Variants in NREP observed in about 807,000 individuals in gnomAD.
NREP encodes neuronal regeneration related protein, also known as neuronal regeneration-related protein.
A neutral mutation model predicts 8.6 loss-of-function variants in NREP; 5 were observed. That is an observed-to-expected ratio of 0.58 (90% CI 0.30 to 1.22). The LOEUF (loss-of-function observed/expected upper bound fraction) is 1.22, where lower values mean the gene tolerates loss of function less well. Among genes scored for constraint, NREP ranks in the 50% most tolerant of loss-of-function variants. The pLI, the probability that NREP is intolerant of heterozygous loss-of-function variation, is 0.07. For synonymous variants in NREP, 27 were observed against 28.0 expected (o/e 0.96, Z 0.11); for missense variants, 86 against 82.5 (o/e 1.04, Z -0.17).
chr5:111,962,443 T>G (rs1756506310), intron 2 of NREP, among the ~76,000 whole-genome samples: 1 of 152,186 alleles, frequency 6.6e-6, no homozygotes, highest in Non-Finnish European at 1.5e-5. Context: ...CAGCTTTTCC[T>G]TTCTTAAATA....
At chr5:111,918,227 A>G (rs899886599) in intron 2 of NREP, among the ~76,000 whole-genome samples, 3 of 152,150 alleles carry the variant, frequency 2.0e-5, no homozygotes, top group Non-Finnish European at 4.4e-5. Context: ...CAAACAGAAA[A>G]CATTCCATGC....
At chr5:111,897,792 A>G (rs960618629) in intron 2 of NREP, among the ~76,000 whole-genome samples, 1 of 152,104 alleles carries the variant, frequency 6.6e-6, no homozygotes. Flanking sequence ...TTTTTTTACT[A>G]ATTTTAAAAC....
At position 111,947,488 on chromosome 5, in the gene NREP, T is replaced by C. The variant is rs572410107; in HGVS notation, c.135+27786A>G. Among the ~76,000 whole-genome samples the C allele has an allele frequency of 8.5e-5, 13 of 152,140 alleles. 1 individual carries two copies. The South Asian group carries it at 2.7e-3, about 32-fold the overall frequency. ...ATATATAAATTGTATTATGCAATTA[T>C]AATAGATACCATTTTTTGAGAGCTT... On this transcript the variant is annotated intron_variant, in intron 2 of 3. Transcript: ENST00000395634.
At chr5:111,932,276 A>G (rs1231579238) in intron 2 of NREP, among the ~76,000 whole-genome samples, 3 of 152,104 alleles carry the variant, frequency 2.0e-5, no homozygotes, top group African/African-American at 7.2e-5. Context: ...ATGTTGTACC[A>G]AACACATGGA....
chr5:111,735,240 G>A (rs1748991817), intron 3 of NREP, 190 bp downstream of exon 3: 2 of 447,422 alleles, frequency 4.5e-6, no homozygotes, highest in Non-Finnish European at 8.0e-6. Flanking sequence ...GGAAGATAAT[G>A]TGAACTTTAA....
intron 2 of NREP, among the ~76,000 whole-genome samples, chr5:111,882,274 T>G (rs1420975775): frequency 2.6e-5 from 4 of 152,014 alleles, no homozygotes; most frequent in Non-Finnish European, 5.9e-5. Flanking sequence ...AAGGGAAGTT[T>G]AGAGAAAAAA....
chr5:111,742,243 A>T (rs950085771), intron 2 of NREP, among the ~76,000 whole-genome samples: 1 of 152,138 alleles, frequency 6.6e-6, no homozygotes, highest in Non-Finnish European at 1.5e-5. Context: ...TCTTGATCTT[A>T]TGAGTTGGGG....
intron 2 of NREP, among the ~76,000 whole-genome samples, chr5:111,841,925 C>T (rs1223664607): frequency 1.3e-5 from 2 of 152,100 alleles, no homozygotes; most frequent in African/African-American, 4.8e-5. Flanking sequence ...TGACAAGCCT[C>T]TCTGGTCAGC....
At chr5:111,863,268 T>C (rs914766253) in intron 2 of NREP, among the ~76,000 whole-genome samples, 3 of 152,098 alleles carry the variant, frequency 2.0e-5, no homozygotes, top group African/African-American at 7.2e-5. Flanking sequence ...AGAGAAGAAA[T>C]GATTTCTTGG....
chr5:111,955,753 G>C (rs1756296731), intron 2 of NREP, among the ~76,000 whole-genome samples: 1 of 151,894 alleles, frequency 6.6e-6, no homozygotes, highest in African/African-American at 2.4e-5. Flanking sequence ...AAATATCCAG[G>C]TGCCAGAAAT....
chr5:111,739,438 C>A (rs1749454294), intron 2 of NREP: 1 of 152,350 alleles, frequency 6.6e-6, no homozygotes, highest in East Asian at 1.9e-4. Context: ...AGTTTCTGTG[C>A]CCTCAGTTTT....
chr5:111,838,868 C>T (rs1752960015), intron 2 of NREP, among the ~76,000 whole-genome samples: 2 of 151,956 alleles, frequency 1.3e-5, no homozygotes, highest in Non-Finnish European at 2.9e-5. Flanking sequence ...GATGTATACA[C>T]AGATGAGCTC....
chr5:111,834,389 C>T (rs1466909901), intron 2 of NREP, among the ~76,000 whole-genome samples: 1 of 152,102 alleles, frequency 6.6e-6, no homozygotes. Context: ...TAGAACCATA[C>T]ATTTTGTAGT....
intron 2 of NREP, among the ~76,000 whole-genome samples, chr5:111,911,920 C>T (rs1017358957): frequency 6.6e-6 from 1 of 152,054 alleles, no homozygotes; most frequent in Admixed American, 6.6e-5. Context: ...TAAGCAAGTA[C>T]TAGTCTTCAC....
At chr5:111,809,629 TC>T (rs776266914) in intron 2 of NREP, among the ~76,000 whole-genome samples, 3 of 152,056 alleles carry the variant, frequency 2.0e-5, no homozygotes, top group East Asian at 1.9e-4. Context: ...TGTATCCACT[TC>T]CCCTTTGACC....
chr5:111,855,651 C>T (rs1030036387), intron 2 of NREP, among the ~76,000 whole-genome samples: 4 of 152,164 alleles, frequency 2.6e-5, no homozygotes, highest in African/African-American at 9.7e-5. Flanking sequence ...CAAACTGCAA[C>T]ATCTAAGAAC....
At chr5:111,877,588 A>G (rs1753941585) in intron 2 of NREP, among the ~76,000 whole-genome samples, 1 of 152,236 alleles carries the variant, frequency 6.6e-6, no homozygotes, top group African/African-American at 2.4e-5. Context: ...GGGCAAATGG[A>G]AATGAAAATC....
At chr5:111,833,458 G>C (rs141672957) in intron 2 of NREP, among the ~76,000 whole-genome samples, 1 of 152,286 alleles carries the variant, frequency 6.6e-6, no homozygotes. Flanking sequence ...TGCAGACCGA[G>C]GTAAAATCTG....
rs147083035 is a variant in NREP, at chr5:111,746,944, G to T, written c.3+8826C>A. Among the ~76,000 whole-genome samples, 21 of 152,212 alleles carry T rather than the reference G, an allele frequency of 1.4e-4. No individual in the cohort carries two copies. In the East Asian group the frequency reaches 3.7e-3, roughly 27 times the overall value. ...TTAACTGAGTTCCTCTGATGCAGAA[G>T]GCACTAGGTTAAGTGTTCAACCATG... On this transcript the variant is annotated intron_variant, in intron 2 of 3. Transcript: ENST00000257435.
Sources: gnomAD v4.1 joint callset for allele counts (sites outside exome capture counted in the v4.1 genomes callset) on GRCh38, gnomAD v4.1.1 for gene constraint, MANE v1.5 for transcripts, NCBI Gene and HGNC (gene_info 2026-07-23, HGNC 2026-07-21) for gene names.